PCDH17: variants seen among roughly 807,000 people sequenced by gnomAD.
PCDH17 encodes protocadherin 17, also known as protocadherin-17.
A neutral mutation model predicts 67.7 loss-of-function variants in PCDH17; 21 were observed. The observed-to-expected ratio is 0.31, with a 90% confidence interval of 0.22 to 0.45. The LOEUF (loss-of-function observed/expected upper bound fraction) is 0.45, where lower values mean the gene tolerates loss of function less well. PCDH17 is among the 20% of genes least tolerant of loss of function. PCDH17 has a pLI of 1.00. For synonymous variants in PCDH17, 701 were observed against 656.7 expected (o/e 1.07, Z -1.03); for missense variants, 1,471 against 1,564.8 (o/e 0.94, Z 1.01).
Position 57,633,334 on chromosome 13 carries a change from T to A in PCDH17, c.788T>A (p.Ile263Asn). ...PENAPLGTVV[I>N]DLNATDADEG... Reference sequence around the variant, plus strand: ...AACGCTCCGCTGGGTACAGTGGTCATCGATCTGAACGCCACCGACGCCGAT... The same window carrying A: ...AACGCTCCGCTGGGTACAGTGGTCAACGATCTGAACGCCACCGACGCCGAT... Residue 263 changes from isoleucine (I) to asparagine (N), a missense_variant, in exon 1 of 4, where the codon ATC (isoleucine) becomes AAC (asparagine). By Grantham distance (149) the Ile-to-Asn change is moderately radical. Coordinates refer to ENST00000377918, the MANE Select transcript of PCDH17 (RefSeq NM_001040429.3). The surrounding 1 kb of genome is among the most constrained non-coding windows in gnomAD (Gnocchi z 6.2). 6.2e-7 allele frequency: 1 copy of A among 1,613,202 alleles called. No homozygotes were observed. The highest frequency in any genetic ancestry group is 8.5e-7 in the Non-Finnish European group (1 of 1,180,008).
intron 1 of PCDH17, among the ~76,000 whole-genome samples, chr13:57,648,791 GA>G (rs898433062): frequency 4.0e-5 from 6 of 151,778 alleles, no homozygotes; most frequent in African/African-American, 7.3e-5. Context: ...TGATATAAGG[GA>G]AAAAAATTAA....
chr13:57,636,123 C>A (rs1337931110), intron 1 of PCDH17, among the ~76,000 whole-genome samples: 1 of 152,132 alleles, frequency 6.6e-6, no homozygotes, highest in Non-Finnish European at 1.5e-5. Flanking sequence ...ATTCTAACAG[C>A]AGCAGGTGAC....
chr13:57,676,724 A>G (rs1346513654), intron 3 of PCDH17, among the ~76,000 whole-genome samples: 1 of 151,938 alleles, frequency 6.6e-6, no homozygotes, highest in African/African-American at 2.4e-5. Flanking sequence ...TCCAAAATCT[A>G]GAGACCCCTA....
intron 3 of PCDH17, among the ~76,000 whole-genome samples, chr13:57,706,277 T>C (rs79830924): frequency 6.6e-6 from 1 of 152,160 alleles, no homozygotes; most frequent in Non-Finnish European, 1.5e-5. Context: ...GCATATGTAC[T>C]TACATCTTTT....
chr13:57,671,716 A>G (rs1210196542), intron 3 of PCDH17, among the ~76,000 whole-genome samples: 2 of 152,102 alleles, frequency 1.3e-5, no homozygotes, highest in Non-Finnish European at 2.9e-5. Context: ...GCTAAGTGAT[A>G]GTTCCCAATT....
intron 3 of PCDH17, among the ~76,000 whole-genome samples, chr13:57,707,418 AG>A (rs1955731369): frequency 6.7e-6 from 1 of 148,802 alleles, no homozygotes. Context: ...CTTCTTTCTG[AG>A]CCCCCAGCAG....
rs201732270 is a variant in PCDH17 at position 57,682,612 on chromosome 13, TTTG to T, written c.2797+15797_2797+15799del. Among the ~76,000 whole-genome samples the T allele has an allele frequency of 2.5e-3, 373 of 151,866 alleles. 2 individuals carry two copies. Among genetic ancestry groups the T allele is most frequent in the African/African-American group, 7.6e-3 (315 of 41,496 alleles). ...AAGAGGCGTCTAGTGCTGAGACTGT[TTTG>T]TTGTTGTTGTTGTTGTTTTTGCACC... On this transcript the variant is annotated intron_variant, in intron 3 of 3. Coordinates refer to ENST00000377918, the MANE Select transcript of PCDH17 (RefSeq NM_001040429.3).
intron 1 of PCDH17, among the ~76,000 whole-genome samples, chr13:57,643,569 G>A (rs9569720): frequency 0.39 from 58,908 of 151,264 alleles, 13,120 homozygotes; most frequent in South Asian, 0.6. Context: ...CTTCTATTTT[G>A]CTCTTGCAGT....
chr13:57,653,006 A>C (rs527933801), intron 1 of PCDH17, among the ~76,000 whole-genome samples: 1 of 152,186 alleles, frequency 6.6e-6, no homozygotes. Context: ...ACACATTGCC[A>C]CAGGGTCTTT....
chr13:57,686,930 G>A (rs1298095539), intron 3 of PCDH17, among the ~76,000 whole-genome samples: 1 of 151,924 alleles, frequency 6.6e-6, no homozygotes, highest in Non-Finnish European at 1.5e-5. Flanking sequence ...TTTTTGTTAT[G>A]ACTATTGTGT....
At chr13:57,665,965 T>G (rs996839547) in intron 1 of PCDH17, among the ~76,000 whole-genome samples, 7 of 152,170 alleles carry the variant, frequency 4.6e-5, no homozygotes, top group Non-Finnish European at 8.8e-5. Flanking sequence ...GTGAGATGCT[T>G]GTATCCATTA....
At chr13:57,661,815 G>C (rs938908738) in intron 1 of PCDH17, among the ~76,000 whole-genome samples, 2 of 151,998 alleles carry the variant, frequency 1.3e-5, no homozygotes, top group Non-Finnish European at 2.9e-5. Context: ...GTATTCACTC[G>C]TTTGGCAATA....
rs142730650 is a variant in PCDH17 at position 57,705,051 on chromosome 13, C to T, written c.2798-19561C>T. Among the ~76,000 whole-genome samples the T allele has an allele frequency of 6.2e-4, 94 of 152,070 alleles. No individual in the cohort carries two copies. In the East Asian group the frequency reaches 0.017, roughly 28 times the overall value. ...TTAAAGCTACTTGACATTTACTCTT[C>T]TCCTCCTCCACAACATTTATTTCAT... is the stretch of plus-strand genomic sequence containing the variant. On this transcript the variant is annotated intron_variant, in intron 3 of 3. Coordinates refer to ENST00000377918, the MANE Select transcript of PCDH17 (RefSeq NM_001040429.3).
At chr13:57,651,501 C>A (rs1402457898) in intron 1 of PCDH17, among the ~76,000 whole-genome samples, 2 of 151,590 alleles carry the variant, frequency 1.3e-5, no homozygotes, top group Non-Finnish European at 2.9e-5. Context: ...CCAGGCCTGG[C>A]TAACTTTTAT....
intron 3 of PCDH17, among the ~76,000 whole-genome samples, chr13:57,709,274 T>C (rs1209679305): frequency 6.6e-6 from 1 of 151,782 alleles, no homozygotes; most frequent in Admixed American, 6.6e-5. Flanking sequence ...CCTTGGTAAC[T>C]AGGGATATTA....
intron 1 of PCDH17, among the ~76,000 whole-genome samples, chr13:57,658,661 A>G (rs1955140904): frequency 6.6e-6 from 1 of 152,218 alleles, no homozygotes; most frequent in Non-Finnish European, 1.5e-5. Context: ...AAATGAATGC[A>G]TCCATTGGGC....
chr13:57,638,751 C>T (rs1034534505), intron 1 of PCDH17, among the ~76,000 whole-genome samples: 3 of 151,822 alleles, frequency 2.0e-5, no homozygotes, highest in Non-Finnish European at 4.4e-5. Context: ...AGAGGACTAA[C>T]GTATCATAGT....
chr13:57,717,320 T>A (rs1354859694), intron 3 of PCDH17, among the ~76,000 whole-genome samples: 1 of 152,006 alleles, frequency 6.6e-6, no homozygotes, highest in African/African-American at 2.4e-5. Flanking sequence ...TGTTTTGTAG[T>A]CCTAGCACTT....
intron 1 of PCDH17, among the ~76,000 whole-genome samples, chr13:57,640,614 G>A (rs1192097393): frequency 1.3e-5 from 2 of 151,994 alleles, no homozygotes; most frequent in African/African-American, 2.4e-5. Flanking sequence ...CCTAGAGCGG[G>A]GGGACTTAAC....
Sources: gnomAD v4.1 joint callset for allele counts (sites outside exome capture counted in the v4.1 genomes callset) on GRCh38, gnomAD v4.1.1 for gene constraint, Gnocchi (gnomAD v3.1) non-coding constraint, MANE v1.5 for transcripts, NCBI Gene and HGNC (gene_info 2026-07-23, HGNC 2026-07-21) for gene names.